The following TAFA1 variants were observed in gnomAD, a reference collection of about 807,000 sequenced individuals.
The protein encoded by TAFA1 is TAFA chemokine like family member 1.
Under a neutral mutation model 18.5 loss-of-function variants are expected in TAFA1, and 4 were observed. The observed-to-expected ratio is 0.22, with a 90% CI of 0.11 to 0.49. TAFA1 has a LOEUF of 0.49. Ranked by LOEUF, TAFA1 falls within the 20% of genes least tolerant of loss-of-function variation. The pLI is 0.98. For missense variants in TAFA1, 147 were observed against 169.0 expected, an observed-to-expected ratio of 0.87 and a Z score of 0.72; for synonymous variants, 56 against 55.2, an observed-to-expected ratio of 1.01 and a Z score of -0.06.
chr3:68,215,040 C>T (rs956384442), intron 2 of TAFA1, among the ~76,000 whole-genome samples: 3 of 151,932 alleles, frequency 2.0e-5, no homozygotes, highest in African/African-American at 7.3e-5. Context: ...ATATAAAGCT[C>T]CATAAAACTA....
intron 3 of TAFA1, among the ~76,000 whole-genome samples, chr3:68,438,035 C>A (rs527897923): frequency 6.6e-6 from 1 of 152,166 alleles, no homozygotes; most frequent in South Asian, 2.1e-4. Context: ...CCAAGCAAGT[C>A]CAAAACCCAA....
chr3:68,531,145 G>A (rs909519169), intron 3 of TAFA1, among the ~76,000 whole-genome samples: 6 of 151,946 alleles, frequency 3.9e-5, no homozygotes, highest in Non-Finnish European at 8.8e-5. Flanking sequence ...TAGTCTCTCC[G>A]GGCTTCAGTT....
At chr3:68,075,348 T>G (rs1358904316) in intron 2 of TAFA1, among the ~76,000 whole-genome samples, 1 of 152,218 alleles carries the variant, frequency 6.6e-6, no homozygotes, top group African/African-American at 2.4e-5. Flanking sequence ...CTTTGTTCCT[T>G]TTCTATAAGC....
chr3:68,380,863 G>A (rs1276156473), intron 2 of TAFA1, among the ~76,000 whole-genome samples: 1 of 149,880 alleles, frequency 6.7e-6, no homozygotes, highest in Non-Finnish European at 1.5e-5. Context: ...GTCCTGAATG[G>A]TATTGCCTAG....
intron 2 of TAFA1, among the ~76,000 whole-genome samples, chr3:68,152,704 G>T (rs1039316150): frequency 4.6e-5 from 7 of 152,010 alleles, no homozygotes; most frequent in Non-Finnish European, 8.8e-5. Context: ...CTCTGTGTTG[G>T]CTTTATTCTT....
intron 3 of TAFA1, among the ~76,000 whole-genome samples, chr3:68,420,021 G>T (rs939110927): frequency 2.5e-4 from 38 of 152,222 alleles, no homozygotes; most frequent in African/African-American, 9.1e-4. Flanking sequence ...ATTAGAGAAT[G>T]ATATAAGGCT....
chr3:68,279,383 C>A (rs1016836313), intron 2 of TAFA1, among the ~76,000 whole-genome samples: 1 of 152,058 alleles, frequency 6.6e-6, no homozygotes, highest in Non-Finnish European at 1.5e-5. Context: ...CACAGGTGTT[C>A]ATTCTTGGAT....
rs148594860 is a variant in TAFA1, at chr3:68,178,608, C to G, written c.118+171864C>G. 2.5e-3 allele frequency among the ~76,000 whole-genome samples: 377 copies of G among 152,316 alleles called. 1 individual carries two copies. The highest frequency in any genetic ancestry group is 4.2e-3 in the Non-Finnish European group (289 of 68,028). On this transcript the variant is annotated intron_variant, in intron 2 of 4. Transcript: ENST00000478136. ...CTGGAAAAAAAGCTCAGGAAAGATACTCCAGGCTAAAAGAGAAACAGATAT... is the reference window on the plus strand; with the variant it reads ...CTGGAAAAAAAGCTCAGGAAAGATAGTCCAGGCTAAAAGAGAAACAGATAT...
chr3:68,435,507 A>G (rs2071253325), intron 3 of TAFA1, among the ~76,000 whole-genome samples: 1 of 152,186 alleles, frequency 6.6e-6, no homozygotes. Flanking sequence ...TGTTTCTAGT[A>G]TAATTGCTAT....
intron 2 of TAFA1, among the ~76,000 whole-genome samples, chr3:68,126,690 A>C (rs144405172): frequency 9.9e-4 from 151 of 152,356 alleles, no homozygotes; most frequent in African/African-American, 3.3e-3. Context: ...CACAGTTAAC[A>C]TTACATCATG....
intron 2 of TAFA1, among the ~76,000 whole-genome samples, chr3:68,059,188 A>G (rs2064571666): frequency 6.6e-6 from 1 of 152,192 alleles, no homozygotes; most frequent in South Asian, 2.1e-4. Context: ...ATTTATAATA[A>G]TAGTAGCAAT....
At chr3:68,518,391 T>G (rs1362657286) in intron 3 of TAFA1, among the ~76,000 whole-genome samples, 3 of 152,232 alleles carry the variant, frequency 2.0e-5, no homozygotes, top group African/African-American at 7.2e-5. Flanking sequence ...CTGACTACAT[T>G]GATTGCAATT....
At chr3:68,283,933 A>G (rs2067948937) in intron 2 of TAFA1, among the ~76,000 whole-genome samples, 2 of 152,246 alleles carry the variant, frequency 1.3e-5, no homozygotes, top group Admixed American at 6.5e-5. Context: ...AGTAAATGCC[A>G]TAAGTAAAAG....
rs562574603 is a variant in TAFA1 at position 68,265,702 on chromosome 3, A to G, written c.119-151578A>G. ...GAAGGAGCCTGTCTTGCTGAGGCTC[A>G]TTACAGAACTGGCGCAAGATACTCA... On this transcript the variant is annotated intron_variant, in intron 2 of 4. Coordinates refer to ENST00000478136, the MANE Select transcript of TAFA1 (RefSeq NM_213609.4). 2.6e-5 allele frequency among the ~76,000 whole-genome samples: 4 copies of G among 152,292 alleles called. No individual in the cohort carries two copies. The East Asian group carries it at 7.7e-4, about 29-fold the overall frequency.
chr3:68,393,197 A>G (rs2070298942), intron 2 of TAFA1, among the ~76,000 whole-genome samples: 1 of 152,186 alleles, frequency 6.6e-6, no homozygotes, highest in South Asian at 2.1e-4. Context: ...CCACAGAAAT[A>G]CAAACTATCA....
chr3:68,068,142 T>C (rs1199864327), intron 2 of TAFA1, among the ~76,000 whole-genome samples: 2 of 152,116 alleles, frequency 1.3e-5, no homozygotes, highest in African/African-American at 4.8e-5. Flanking sequence ...AATTAATACA[T>C]GCTAAGCAAG....
At chr3:68,478,960 C>T (rs968725347) in intron 3 of TAFA1, among the ~76,000 whole-genome samples, 4 of 149,860 alleles carry the variant, frequency 2.7e-5, no homozygotes, top group Non-Finnish European at 4.4e-5. Flanking sequence ...GTAGGCCAGG[C>T]GCAGTGGCTC....
At chr3:68,258,410 G>A (rs1054631190) in intron 2 of TAFA1, among the ~76,000 whole-genome samples, 2 of 152,144 alleles carry the variant, frequency 1.3e-5, no homozygotes, top group South Asian at 2.1e-4. Flanking sequence ...AGCATGGCAT[G>A]TTGTTGACCG....
intron 2 of TAFA1, among the ~76,000 whole-genome samples, chr3:68,175,760 T>C (rs2066116650): frequency 6.6e-6 from 1 of 152,162 alleles, no homozygotes; most frequent in Non-Finnish European, 1.5e-5. Flanking sequence ...AGTTAAGACT[T>C]TGGGGGATGG....
Sources: allele counts gnomAD v4.1 joint callset (sites outside exome capture counted in the v4.1 genomes callset), GRCh38; gene constraint gnomAD v4.1.1; transcripts MANE v1.5; gene names NCBI Gene and HGNC (gene_info 2026-07-23, HGNC 2026-07-21).